Variants in LINGO2 observed in about 807,000 individuals in gnomAD.
LINGO2 encodes leucine rich repeat and Ig domain containing 2.
Under a neutral mutation model 30.6 loss-of-function variants are expected in LINGO2, and 14 were observed. That is an observed-to-expected ratio of 0.46 (90% confidence interval 0.30 to 0.72). LINGO2 has a LOEUF of 0.72. Ranked by LOEUF, LINGO2 falls within the 30% of genes least tolerant of loss-of-function variation. The probability of loss-of-function intolerance (pLI) is 0.07; values close to 1 mark genes in which losing one functional copy is unlikely to be tolerated. For missense variants in LINGO2, 729 were observed against 751.7 expected (o/e 0.97, Z 0.35); for synonymous variants, 317 against 288.5 (o/e 1.10, Z -1.00).
the LINGO2 span, among the ~76,000 whole-genome samples, chr9:28,757,507 T>C: frequency 3.3e-5 from 5 of 151,978 alleles, no homozygotes; most frequent in African/African-American, 9.7e-5. Flanking sequence ...AGACAGCTAT[T>C]TCCTTATCTG....
chr9:29,206,729 G>C, the LINGO2 span, among the ~76,000 whole-genome samples: 2 of 152,026 alleles, frequency 1.3e-5, no homozygotes, highest in Non-Finnish European at 2.9e-5. Flanking sequence ...GCTTATCACC[G>C]ATTTTTGTCT....
intron 1 of LINGO2, among the ~76,000 whole-genome samples, chr9:28,514,113 A>G (rs1478288183): frequency 6.6e-6 from 1 of 152,220 alleles, no homozygotes; most frequent in East Asian, 1.9e-4. Flanking sequence ...TTATGCCCAT[A>G]TAAGACAATG....
At chr9:28,306,685 G>C (rs899900045) in intron 3 of LINGO2, among the ~76,000 whole-genome samples, 6 of 152,108 alleles carry the variant, frequency 3.9e-5, no homozygotes, top group Non-Finnish European at 5.9e-5. Context: ...CCGCTAGCAA[G>C]ACTAACAAAG....
chr9:29,050,162 A>T, the LINGO2 span, among the ~76,000 whole-genome samples: 1 of 151,980 alleles, frequency 6.6e-6, no homozygotes, highest in Non-Finnish European at 1.5e-5. Context: ...AGTAGCTGGG[A>T]TTACAGGTAC....
intron 4 of LINGO2, among the ~76,000 whole-genome samples, chr9:28,043,240 TA>T (rs1824272156): frequency 6.6e-6 from 1 of 152,166 alleles, no homozygotes; most frequent in Admixed American, 6.5e-5. Context: ...AGACACATGA[TA>T]AAACTGCGGT....
chr9:29,031,203 T>A, the LINGO2 span, among the ~76,000 whole-genome samples: 1 of 152,132 alleles, frequency 6.6e-6, no homozygotes, highest in South Asian at 2.1e-4. Flanking sequence ...CACTTTTTCA[T>A]GTTTGGTTCA....
the LINGO2 span, among the ~76,000 whole-genome samples, chr9:28,907,858 A>G: frequency 6.6e-6 from 1 of 151,774 alleles, no homozygotes; most frequent in African/African-American, 2.4e-5. Flanking sequence ...AGATGACTGT[A>G]GAACTTCTAA....
intron 4 of LINGO2, among the ~76,000 whole-genome samples, chr9:28,187,142 T>C (rs1329935162): frequency 6.6e-6 from 1 of 151,812 alleles, no homozygotes; most frequent in African/African-American, 2.4e-5. Flanking sequence ...AGTAAGAAAA[T>C]GTGGGTATAT....
chr9:28,496,752 A>C (rs1318943890), intron 1 of LINGO2, among the ~76,000 whole-genome samples: 2 of 152,106 alleles, frequency 1.3e-5, no homozygotes, highest in Admixed American at 6.6e-5. Context: ...TCTTCCTAGC[A>C]TTGATGGTCT....
the LINGO2 span, among the ~76,000 whole-genome samples, chr9:28,897,525 A>C: frequency 2.6e-5 from 4 of 152,032 alleles, no homozygotes; most frequent in Non-Finnish European, 5.9e-5. Flanking sequence ...TCTCAGCTGT[A>C]TGTTTTGTTG....
At chr9:28,584,611 T>C (rs1824438559) in intron 1 of LINGO2, among the ~76,000 whole-genome samples, 1 of 152,022 alleles carries the variant, frequency 6.6e-6, no homozygotes. Context: ...GGAAAAGAAA[T>C]TCCAAATTGA....
chr9:28,064,059 A>G (rs1319702417), intron 4 of LINGO2, among the ~76,000 whole-genome samples: 1 of 152,156 alleles, frequency 6.6e-6, no homozygotes, highest in Non-Finnish European at 1.5e-5. Flanking sequence ...CATTTTACAT[A>G]AAGAAACCAG....
At chr9:28,197,781 A>C (rs1158649639) in intron 4 of LINGO2, among the ~76,000 whole-genome samples, 3 of 151,964 alleles carry the variant, frequency 2.0e-5, no homozygotes, top group Non-Finnish European at 4.4e-5. Context: ...CAAACTGGAG[A>C]AACATGCTTG....
At chr9:28,341,945 T>A (rs1825780313) in intron 3 of LINGO2, among the ~76,000 whole-genome samples, 1 of 152,132 alleles carries the variant, frequency 6.6e-6, no homozygotes, top group South Asian at 2.1e-4. Context: ...CTTTTTATCC[T>A]ATAGGGGAGA....
chr9:29,055,940 G>GTATATATATATGTGTGTATA, the LINGO2 span, among the ~76,000 whole-genome samples: 12 of 119,984 alleles, frequency 1.0e-4, no homozygotes, highest in African/African-American at 3.5e-4. Context: ...ATGTGTGTGT[G>GTATATATATATGTGTGTATA]TATATATACA....
the LINGO2 span, among the ~76,000 whole-genome samples, chr9:28,877,400 C>A: frequency 4.8e-4 from 73 of 151,960 alleles, 2 homozygotes; most frequent in East Asian, 0.014. Flanking sequence ...ACATTTAAGT[C>A]GTTAATCCAT....
In LINGO2 at chr9:28,664,445, G is replaced by A. The variant is rs192786525; in HGVS notation, c.-365+5755C>T. Among the ~76,000 whole-genome samples the A allele has an allele frequency of 4.6e-3, 702 of 152,196 alleles. 10 individuals are homozygous for A. The highest frequency in any genetic ancestry group is 5.4e-3 in the Non-Finnish European group (365 of 67,996). ...TTTAAGCCCACATAGTAGATTTTACGTTGATCAGATTGGATGCCTTCAAGG... is the reference window on the plus strand; with the variant it reads ...TTTAAGCCCACATAGTAGATTTTACATTGATCAGATTGGATGCCTTCAAGG... On this transcript the variant is annotated intron_variant, in intron 1 of 5. Coordinates refer to ENST00000379992, the Ensembl canonical transcript of LINGO2.
chr9:28,095,374 A>C (rs916925336), intron 4 of LINGO2, among the ~76,000 whole-genome samples: 2 of 152,076 alleles, frequency 1.3e-5, no homozygotes, highest in African/African-American at 4.8e-5. Flanking sequence ...AGATAAGCTT[A>C]AAAATGGAAG....
the LINGO2 span, among the ~76,000 whole-genome samples, chr9:29,197,890 A>C: frequency 6.6e-6 from 1 of 152,146 alleles, no homozygotes; most frequent in Admixed American, 6.6e-5. Context: ...TTACTTAAGT[A>C]TCTTCAGTAA....
Sources: allele counts gnomAD v4.1 joint callset (sites outside exome capture counted in the v4.1 genomes callset), GRCh38; gene constraint gnomAD v4.1.1; transcripts MANE v1.5; gene names NCBI Gene and HGNC (gene_info 2026-07-23, HGNC 2026-07-21).